Variants in SSU72L3 observed in about 807,000 individuals in gnomAD.
SSU72L3 encodes RNA polymerase II subunit A C-terminal domain phosphatase SSU72 like protein 3.
the SSU72L3 span, among the ~76,000 whole-genome samples, chr11:4,330,751 A>T: frequency 6.6e-6 from 1 of 152,200 alleles, no homozygotes; most frequent in South Asian, 2.1e-4. Context: ...CATTTTCCAG[A>T]TAAGCAAACC....
At chr11:4,329,869 T>G in the SSU72L3 span, 1 of 715,530 alleles carries the variant, frequency 1.4e-6, no homozygotes. Context: ...ACCATCATGC[T>G]CTCCTCCCCA....
chr11:4,330,092 C>G, the SSU72L3 span: 1 of 766,942 alleles, frequency 1.3e-6, no homozygotes, highest in Non-Finnish European at 2.4e-6. Context: ...GAGAACGCTA[C>G]ACCCGCAACG....
the SSU72L3 span, chr11:4,329,799 C>G: frequency 5.0e-6 from 3 of 604,976 alleles, no homozygotes; most frequent in Non-Finnish European, 5.9e-6. Context: ...GTGGTCGTCT[C>G]CTCGGCTCCG....
the SSU72L3 span, chr11:4,329,815 C>T: frequency 6.4e-6 from 4 of 627,520 alleles, no homozygotes; most frequent in African/African-American, 7.4e-5. Flanking sequence ...CTCCGAGTCC[C>T]TGCAGCAACT....
the SSU72L3 span, chr11:4,330,491 G>A: frequency 3.3e-6 from 2 of 604,530 alleles, no homozygotes; most frequent in African/African-American, 3.7e-5. Context: ...TAAGAACTTA[G>A]GCATGGGACT....
chr11:4,329,858 C>T, the SSU72L3 span: 4 of 694,534 alleles, frequency 5.8e-6, no homozygotes, highest in South Asian at 5.2e-5. Flanking sequence ...TCCCAGTGGC[C>T]ACCATCATGC....
At chr11:4,330,774 G>A in the SSU72L3 span, among the ~76,000 whole-genome samples, 14 of 152,288 alleles carry the variant, frequency 9.2e-5, no homozygotes, top group African/African-American at 3.4e-4. Context: ...GCTGATAATG[G>A]ACTGCTGGAA....
chr11:4,330,596 A>G, the SSU72L3 span: 1 of 544,558 alleles, frequency 1.8e-6, no homozygotes, highest in East Asian at 3.0e-5. Flanking sequence ...AGAGACTATT[A>G]CCAAGAAAAT....
the SSU72L3 span, among the ~76,000 whole-genome samples, chr11:4,330,840 T>A: frequency 6.6e-6 from 1 of 152,136 alleles, no homozygotes; most frequent in Non-Finnish European, 1.5e-5. Flanking sequence ...GATAAGCACC[T>A]TTTAAATAAA....
chr11:4,329,872 C>A, the SSU72L3 span: 1 of 722,620 alleles, frequency 1.4e-6, no homozygotes, highest in African/African-American at 1.8e-5. Flanking sequence ...ATCATGCTCT[C>A]CTCCCCACTC....
the SSU72L3 span, chr11:4,330,586 A>G: frequency 1.0e-4 from 57 of 551,672 alleles, no homozygotes; most frequent in African/African-American, 7.9e-4. Context: ...TCACCTGGAA[A>G]GAGACTATTA....
chr11:4,330,032 T>C, the SSU72L3 span: 1 of 776,194 alleles, frequency 1.3e-6, no homozygotes, highest in Non-Finnish European at 2.4e-6. Context: ...TAGTTTATGA[T>C]TTTGCAACAA....
the SSU72L3 span, among the ~76,000 whole-genome samples, chr11:4,330,764 G>A: frequency 7.6e-3 from 1,056 of 138,072 alleles, no homozygotes; most frequent in East Asian, 0.026. Context: ...AGCAAACCGA[G>A]CTGATAATGG....
At chr11:4,329,942 C>T in the SSU72L3 span, 5 of 734,264 alleles carry the variant, frequency 6.8e-6, no homozygotes, top group African/African-American at 1.8e-5. Flanking sequence ...ACAGCATCCT[C>T]AGGAGAAAAG....
chr11:4,330,672 G>A, the SSU72L3 span, among the ~76,000 whole-genome samples: 134 of 152,216 alleles, frequency 8.8e-4, no homozygotes, highest in African/African-American at 3.2e-3. Context: ...CATTGTGCTA[G>A]GTGCATTACA....
chr11:4,329,875 C>T, the SSU72L3 span: 1 of 723,942 alleles, frequency 1.4e-6, no homozygotes, highest in Non-Finnish European at 2.5e-6. Context: ...ATGCTCTCCT[C>T]CCCACTCAGG....
the SSU72L3 span, among the ~76,000 whole-genome samples, chr11:4,330,640 A>G: frequency 2.0e-5 from 3 of 152,224 alleles, no homozygotes; most frequent in South Asian, 6.3e-4. Flanking sequence ...TAACATTTTT[A>G]AAAGCACTGA....
chr11:4,330,661 G>A, the SSU72L3 span, among the ~76,000 whole-genome samples: 1 of 152,128 alleles, frequency 6.6e-6, no homozygotes, highest in Non-Finnish European at 1.5e-5. Context: ...AAAATGCTTG[G>A]CATTGTGCTA....
At chr11:4,329,860 C>G in the SSU72L3 span, 3 of 700,934 alleles carry the variant, frequency 4.3e-6, no homozygotes, top group Non-Finnish European at 7.8e-6. Flanking sequence ...CCAGTGGCCA[C>G]CATCATGCTC....
Sources: allele counts gnomAD v4.1 joint callset (sites outside exome capture counted in the v4.1 genomes callset), GRCh38; gene constraint gnomAD v4.1.1; transcripts MANE v1.5; gene names NCBI Gene and HGNC (gene_info 2026-07-23, HGNC 2026-07-21).